Variants in LINGO2 observed in about 807,000 individuals in gnomAD.
LINGO2 encodes the protein leucine-rich repeat and immunoglobulin-like domain-containing nogo receptor-interacting protein 2.
LINGO2 carries 14 observed loss-of-function variants against 30.6 expected under a neutral mutation model. The observed-to-expected ratio is 0.46, with a 90% CI of 0.30 to 0.72. The LOEUF is 0.72. Ranked by LOEUF, LINGO2 falls within the 30% of genes least tolerant of loss-of-function variation. LINGO2 has a pLI of 0.07. For missense variants in LINGO2, 729 were observed against 751.7 expected (o/e 0.97, Z 0.35); for synonymous variants, 317 against 288.5 (o/e 1.10, Z -1.00).
At chr9:28,269,239 T>C (rs116737793) in intron 4 of LINGO2, among the ~76,000 whole-genome samples, 1,685 of 152,216 alleles carry the variant, frequency 0.011, 41 homozygotes, top group African/African-American at 0.039. Context: ...ATTTAACTGA[T>C]AGGTCCCAGA....
chr9:28,055,979 T>C (rs551298509), intron 4 of LINGO2, among the ~76,000 whole-genome samples: 2 of 152,276 alleles, frequency 1.3e-5, no homozygotes, highest in South Asian at 4.1e-4. Flanking sequence ...TTGTTACTAC[T>C]TGAGACCTTC....
intron 5 of LINGO2, among the ~76,000 whole-genome samples, chr9:27,983,717 A>C (rs376655676): frequency 5.3e-4 from 81 of 151,966 alleles, no homozygotes; most frequent in Middle Eastern, 3.4e-3. Flanking sequence ...GTGAGAATAA[A>C]ACTTCAAACT....
At chr9:28,345,660 C>G (rs1400262834) in intron 3 of LINGO2, among the ~76,000 whole-genome samples, 1 of 152,108 alleles carries the variant, frequency 6.6e-6, no homozygotes, top group Non-Finnish European at 1.5e-5. Context: ...TTTTAGATTG[C>G]CTTCAACTCA....
At chr9:28,537,507 T>C (rs182060997) in intron 1 of LINGO2, among the ~76,000 whole-genome samples, 2 of 152,016 alleles carry the variant, frequency 1.3e-5, no homozygotes, top group Non-Finnish European at 1.5e-5. Flanking sequence ...TAAAAACAAC[T>C]TCCTTTTATA....
At chr9:29,197,785 GT>G in the LINGO2 span, among the ~76,000 whole-genome samples, 1 of 152,024 alleles carries the variant, frequency 6.6e-6, no homozygotes, top group African/African-American at 2.4e-5. Flanking sequence ...TTGATTCACT[GT>G]TTAAGCTGGA....
chr9:28,103,826 C>G (rs998253961), intron 4 of LINGO2, among the ~76,000 whole-genome samples: 14 of 152,162 alleles, frequency 9.2e-5, no homozygotes, highest in Non-Finnish European at 1.8e-4. Context: ...GCCATTTTAA[C>G]TCTTTTGAAT....
the LINGO2 span, among the ~76,000 whole-genome samples, chr9:29,156,719 G>A: frequency 1.3e-5 from 2 of 151,988 alleles, no homozygotes; most frequent in Non-Finnish European, 2.9e-5. Flanking sequence ...TTCTTAGACA[G>A]GTCTTTGAGT....
At chr9:29,127,858 G>A in the LINGO2 span, among the ~76,000 whole-genome samples, 2 of 152,156 alleles carry the variant, frequency 1.3e-5, no homozygotes, top group Non-Finnish European at 2.9e-5. Context: ...GTGTTCAGGC[G>A]AATTAAACCC....
chr9:28,456,801 T>C (rs1824868735), intron 2 of LINGO2, among the ~76,000 whole-genome samples: 1 of 152,236 alleles, frequency 6.6e-6, no homozygotes, highest in East Asian at 1.9e-4. Context: ...ACAAGGATTC[T>C]TTTTGGAGAA....
At chr9:28,109,698 G>A (rs1826713515) in intron 4 of LINGO2, among the ~76,000 whole-genome samples, 1 of 152,074 alleles carries the variant, frequency 6.6e-6, no homozygotes, top group Admixed American at 6.6e-5. Context: ...GGGACATGAA[G>A]GATCTCTTCA....
At chr9:28,281,976 A>G (rs1823344194) in intron 4 of LINGO2, among the ~76,000 whole-genome samples, 1 of 152,124 alleles carries the variant, frequency 6.6e-6, no homozygotes, top group Admixed American at 6.5e-5. Context: ...ATTGATCTTT[A>G]TAACACAAAC....
chr9:28,603,004 T>A (rs1825553604), intron 1 of LINGO2, among the ~76,000 whole-genome samples: 1 of 152,074 alleles, frequency 6.6e-6, no homozygotes, highest in Non-Finnish European at 1.5e-5. Flanking sequence ...TCCAGCACAC[T>A]TTTGGATAAA....
At chr9:28,098,579 C>T (rs1294727157) in intron 4 of LINGO2, among the ~76,000 whole-genome samples, 6 of 151,940 alleles carry the variant, frequency 3.9e-5, no homozygotes, top group East Asian at 1.9e-4. Flanking sequence ...TTTCTTTTTT[C>T]GTCTATATAC....
chr9:28,531,440 C>A (rs1268486549), intron 1 of LINGO2, among the ~76,000 whole-genome samples: 1 of 152,054 alleles, frequency 6.6e-6, no homozygotes, highest in Non-Finnish European at 1.5e-5. Flanking sequence ...ACCAGTATCC[C>A]TTTTTTCTAG....
intron 4 of LINGO2, among the ~76,000 whole-genome samples, chr9:28,190,900 T>G (rs1003809252): frequency 6.6e-6 from 1 of 152,226 alleles, no homozygotes; most frequent in Non-Finnish European, 1.5e-5. Context: ...ATTTAACAAC[T>G]AATATACCAG....
chr9:28,123,687 G>T (rs1012660633), intron 4 of LINGO2, among the ~76,000 whole-genome samples: 10 of 150,208 alleles, frequency 6.7e-5, no homozygotes, highest in African/African-American at 2.5e-4. Context: ...TTTTTTTGAC[G>T]GAGTCTCATT....
the LINGO2 span, among the ~76,000 whole-genome samples, chr9:29,186,691 G>A: frequency 6.6e-6 from 1 of 151,894 alleles, no homozygotes; most frequent in Non-Finnish European, 1.5e-5. Flanking sequence ...CAAGTTAAAA[G>A]TAACATTATA....
chr9:28,434,842 T>G (rs1823858671), intron 2 of LINGO2, among the ~76,000 whole-genome samples: 1 of 152,148 alleles, frequency 6.6e-6, no homozygotes, highest in Admixed American at 6.6e-5. Context: ...GTTTATTGAC[T>G]ATTTTCATGG....
chr9:29,029,959 T>C, the LINGO2 span, among the ~76,000 whole-genome samples: 12 of 152,158 alleles, frequency 7.9e-5, no homozygotes, highest in Admixed American at 5.9e-4. Context: ...GTTTAGAAAT[T>C]CCTTTGCACC....
Sources: gnomAD v4.1 joint callset for allele counts (sites outside exome capture counted in the v4.1 genomes callset) on GRCh38, gnomAD v4.1.1 for gene constraint, MANE v1.5 for transcripts, NCBI Gene and HGNC (gene_info 2026-07-23, HGNC 2026-07-21) for gene names.